The following PHACTR2 variants were observed in gnomAD, a reference collection of about 807,000 sequenced individuals.
PHACTR2 encodes phosphatase and actin regulator 2.
Under a neutral mutation model 76.0 loss-of-function variants are expected in PHACTR2, and 30 were observed. The observed-to-expected ratio is 0.39, with a 90% CI of 0.30 to 0.54. The LOEUF is 0.54. PHACTR2 is among the 20% of genes least tolerant of loss of function. The pLI, the probability that PHACTR2 is intolerant of heterozygous loss-of-function variation, is 0.61. For missense variants in PHACTR2, 696 were observed against 781.1 expected (o/e 0.89, Z 1.30); for synonymous variants, 292 against 292.5 (o/e 1.00, Z 0.02).
intron 1 of PHACTR2, among the ~76,000 whole-genome samples, chr6:143,699,306 C>T (rs1777845493): frequency 6.6e-6 from 1 of 152,112 alleles, no homozygotes; most frequent in African/African-American, 2.4e-5. Context: ...ACCCCGACAC[C>T]CAGGGCTCCT....
At chr6:143,788,430 T>C (rs1039650775) in intron 10 of PHACTR2, among the ~76,000 whole-genome samples, 2 of 152,208 alleles carry the variant, frequency 1.3e-5, no homozygotes, top group African/African-American at 2.4e-5. Flanking sequence ...AGCCATTCTG[T>C]ATCTGGGTTA....
At chr6:143,707,044 T>C (rs1778070507) in intron 1 of PHACTR2, among the ~76,000 whole-genome samples, 2 of 152,230 alleles carry the variant, frequency 1.3e-5, no homozygotes, top group Admixed American at 1.3e-4. Context: ...AGCACTGTTC[T>C]AATTTTTCTT....
At chr6:143,572,832 C>T (rs963156959) in intron 1 of PHACTR2, among the ~76,000 whole-genome samples, 1 of 152,196 alleles carries the variant, frequency 6.6e-6, no homozygotes, top group African/African-American at 2.4e-5. Context: ...GGATTACAGG[C>T]ATGAGCCACC....
At chr6:143,634,933 A>G (rs1776425254) in intron 1 of PHACTR2, among the ~76,000 whole-genome samples, 2 of 151,988 alleles carry the variant, frequency 1.3e-5, no homozygotes, top group South Asian at 4.1e-4. Context: ...TTTTTTTTAG[A>G]AAGGAAAGAC....
chr6:143,734,098 G>A lies in PHACTR2; in HGVS notation c.215-14887G>A, dbSNP rs9321940. ...TATGGCCCATCTTTTTATTTATGGAGCATTTATTATTCATTATAGGTCTAT... is the reference window on the plus strand; with the variant it reads ...TATGGCCCATCTTTTTATTTATGGAACATTTATTATTCATTATAGGTCTAT... On this transcript the variant is annotated intron_variant, in intron 2 of 12. Transcript: ENST00000440869. 1.9e-4 allele frequency among the ~76,000 whole-genome samples: 29 copies of A among 152,126 alleles called. No homozygotes were observed. In the East Asian group the frequency reaches 5.0e-3, roughly 26 times the overall value.
At chr6:143,665,949 T>C (rs1777026159) in intron 1 of PHACTR2, among the ~76,000 whole-genome samples, 1 of 152,196 alleles carries the variant, frequency 6.6e-6, no homozygotes, top group Non-Finnish European at 1.5e-5. Flanking sequence ...GGTATATACA[T>C]GCCATGGTGG....
At chr6:143,565,860 G>A (rs1450834732) in intron 1 of PHACTR2, among the ~76,000 whole-genome samples, 1 of 152,090 alleles carries the variant, frequency 6.6e-6, no homozygotes. Context: ...CACTTTGGGC[G>A]GGAAGGGGAG....
Position 143,671,159 on chromosome 6 carries a change from A to ACAT in PHACTR2, c.14-40853_14-40851dup, listed in dbSNP as rs1371478475. Among the ~76,000 whole-genome samples, 1 of 152,080 alleles carries ACAT rather than the reference A, an allele frequency of 6.6e-6. No individual in the cohort carries two copies. Among genetic ancestry groups the ACAT allele is most frequent in the Admixed American group, 6.6e-5 (1 of 15,260 alleles). ...TGGTCAGGCTGGTCTTGAACTCCTG[A>ACAT]CATCATGATCCGCCTGCCTCAGCAG... On this transcript the variant is annotated intron_variant, in intron 1 of 11. Coordinates refer to the PHACTR2 transcript ENST00000305766. The surrounding 1 kb of genome is among the most constrained non-coding windows in gnomAD (Gnocchi z 4.6).
rs1776689814 is a variant in PHACTR2, at chr6:143,647,980, T to C, written c.13+39658T>C. On this transcript the variant is annotated intron_variant, in intron 1 of 11. Coordinates refer to the PHACTR2 transcript ENST00000305766. This position sits in a 1 kb window ranked among gnomAD's most constrained non-coding sequence, Gnocchi z 4.2. ...GGCTTGGGGAAGTTGCCCCTGGCTG[T>C]GTGGCCGCAGTGGAAATAAGGGAAG... is the stretch of plus-strand genomic sequence containing the variant. Among the ~76,000 whole-genome samples the C allele has an allele frequency of 6.6e-6, 1 of 152,144 alleles. No individual in the cohort carries two copies. Among genetic ancestry groups the C allele is most frequent in the Non-Finnish European group, 1.5e-5 (1 of 68,032 alleles).
In PHACTR2 at chr6:143,755,056, C is replaced by T. The variant is rs980445154; in HGVS notation, c.454+1144C>T. Among the ~76,000 whole-genome samples the T allele has an allele frequency of 6.6e-6, 1 of 152,260 alleles. No individual in the cohort carries two copies. ...ATTAGCCTTTAAAAGTTTTAGAAGC[C>T]TGTGTAAATAATCTGTTGGAAATGT... On this transcript the variant is annotated intron_variant, in intron 4 of 12. Transcript: ENST00000440869. The surrounding 1 kb of genome is among the most constrained non-coding windows in gnomAD (Gnocchi z 5.2).
Position 143,788,799 on chromosome 6 carries a change from G to C in PHACTR2, c.1734G>C (p.Glu578Asp). Residue 578 changes from glutamate (E) to aspartate (D), a missense_variant, in exon 11 of 13, where the codon GAG becomes GAC. Transcript: ENST00000440869. ...RKLSLRPTVA[E>D]LQARRILRFN... is the part of the protein sequence containing the mutation. Reference sequence around the variant, plus strand: ...TCAGCCTGAGACCCACAGTGGCAGAGCTACAAGCTCGAAGGATCCTGCGAT... The same window carrying C: ...TCAGCCTGAGACCCACAGTGGCAGACCTACAAGCTCGAAGGATCCTGCGAT... The C allele has an allele frequency of 1.2e-6, 2 of 1,613,214 alleles. No homozygotes were observed. The highest frequency in any genetic ancestry group is 2.2e-5 in the South Asian group (2 of 91,034).
chr6:143,608,181 G>C, upstream of PHACTR2: 3 of 888,932 alleles, frequency 3.4e-6, no homozygotes, highest in South Asian at 4.1e-5. This position sits in a 1 kb window ranked among gnomAD's most constrained non-coding sequence, Gnocchi z 4.6. Flanking sequence ...CCTGCAGACA[G>C]TGCATGAAGT....
rs979953409 is a variant in PHACTR2 at position 143,595,056 on chromosome 6, G to C, written c.217+57849G>C. 6.6e-6 allele frequency among the ~76,000 whole-genome samples: 1 copy of C among 152,130 alleles called. No individual in the cohort carries two copies. Among genetic ancestry groups the C allele is most frequent in the Non-Finnish European group, 1.5e-5 (1 of 68,014 alleles). ...AGCTTCCTAAAATCAGTCTTTTTCT[G>C]TTAGATCTTCAAACCAGGTTTTAGA... On this transcript the variant is annotated intron_variant, in intron 1 of 11. Coordinates refer to the PHACTR2 transcript ENST00000367584. This position sits in a 1 kb window ranked among gnomAD's most constrained non-coding sequence, Gnocchi z 4.2.
At chr6:143,605,580 C>T (rs1442849073), upstream of PHACTR2, among the ~76,000 whole-genome samples, 3 of 152,094 alleles carry the variant, frequency 2.0e-5, no homozygotes, top group African/African-American at 7.2e-5. The surrounding 1 kb of genome is among the most constrained non-coding windows in gnomAD (Gnocchi z 5.0). Flanking sequence ...AGCCAGTTAC[C>T]AATACAGAGA....
At chr6:143,726,356 T>G (rs367679262) in intron 2 of PHACTR2, among the ~76,000 whole-genome samples, 1 of 152,230 alleles carries the variant, frequency 6.6e-6, no homozygotes, top group African/African-American at 2.4e-5. Flanking sequence ...TCAATATATT[T>G]ACATTGTTCT....
rs938456273 is a variant in PHACTR2, at chr6:143,761,106, C to T, written c.694+466C>T. ...GGATGTTAATGTGTTAAATCCTCAG[C>T]ATCCATAGTCATCTCCCTTCTGATA... is the stretch of plus-strand genomic sequence containing the variant. On this transcript the variant is annotated intron_variant, in intron 5 of 12. Coordinates refer to ENST00000440869, the MANE Select transcript of PHACTR2 (RefSeq NM_001100164.2). This position sits in a 1 kb window ranked among gnomAD's most constrained non-coding sequence, Gnocchi z 5.2. Among the ~76,000 whole-genome samples, 1 of 152,208 alleles carries T rather than the reference C, an allele frequency of 6.6e-6. No homozygotes were observed. The highest frequency in any genetic ancestry group is 2.4e-5 in the African/African-American group (1 of 41,462).
In PHACTR2 at chr6:143,772,595, A is replaced by G. The variant is rs965801552; in HGVS notation, c.1432+138A>G. On this transcript the variant is annotated intron_variant, in intron 7 of 12. Transcript: ENST00000440869. This position sits in a 1 kb window ranked among gnomAD's most constrained non-coding sequence, Gnocchi z 5.4. Reference sequence around the variant, plus strand: ...CTCATCCTCCTTTCTCAAATTAGAAATGTGTATATCCTAAAGTTTAGCTTT... The same window carrying G: ...CTCATCCTCCTTTCTCAAATTAGAAGTGTGTATATCCTAAAGTTTAGCTTT... 1.5e-4 allele frequency: 102 copies of G among 667,128 alleles called. 1 individual carries two copies. The highest frequency in any genetic ancestry group is 2.4e-4 in the Non-Finnish European group (93 of 385,184). 41.3% of individuals were successfully genotyped at this position (667,128 alleles called of 1,614,324 possible). A position where few individuals can be genotyped will look rare whatever the true frequency, so the allele number is the denominator to read the frequency against.
Position 143,767,432 on chromosome 6 carries a change from C to G in PHACTR2, c.1232+1634C>G, listed in dbSNP as rs1360291242. Among the ~76,000 whole-genome samples the G allele has an allele frequency of 6.6e-6, 1 of 152,068 alleles. No individual in the cohort carries two copies. Among genetic ancestry groups the G allele is most frequent in the East Asian group, 1.9e-4 (1 of 5,200 alleles). The stretch of plus-strand genomic sequence containing the variant: ...AGGACAGCCAAGAAAAAATAAATGT[C>G]AAATTACAAATTAATTTATTTTCTT... On this transcript the variant is annotated intron_variant, in intron 6 of 12. Coordinates refer to ENST00000440869, the MANE Select transcript of PHACTR2 (RefSeq NM_001100164.2). This position sits in a 1 kb window ranked among gnomAD's most constrained non-coding sequence, Gnocchi z 4.4.
Position 143,782,626 on chromosome 6 carries a change from T to G in PHACTR2, c.1646-593T>G, listed in dbSNP as rs978891664. Among the ~76,000 whole-genome samples the G allele has an allele frequency of 3.9e-5, 6 of 152,064 alleles. No homozygotes were observed. The highest frequency in any genetic ancestry group is 3.3e-4 in the Admixed American group (5 of 15,260). ...GAAAATAAATAATTTCCACCCAGAG[T>G]ACATCATAACCTCATTTAGAACATT... is the stretch of plus-strand genomic sequence containing the variant. On this transcript the variant is annotated intron_variant, in intron 9 of 12. Transcript: ENST00000440869. This position sits in a 1 kb window ranked among gnomAD's most constrained non-coding sequence, Gnocchi z 4.6.
Sources: allele counts gnomAD v4.1 joint callset (sites outside exome capture counted in the v4.1 genomes callset), GRCh38; gene constraint gnomAD v4.1.1; non-coding constraint Gnocchi (gnomAD v3.1); transcripts MANE v1.5; gene names NCBI Gene and HGNC (gene_info 2026-07-23, HGNC 2026-07-21).